The following CAMSAP2 variants were observed in gnomAD, a reference collection of about 807,000 sequenced individuals.
CAMSAP2 encodes the protein calmodulin regulated spectrin associated protein family member 2, also known as calmodulin-regulated spectrin-associated protein 2.
A neutral mutation model predicts 146.1 loss-of-function variants in CAMSAP2; 26 were observed. That is an observed-to-expected ratio of 0.18 (90% CI 0.13 to 0.25). The LOEUF (loss-of-function observed/expected upper bound fraction) is 0.25, where lower values mean the gene tolerates loss of function less well. Among genes scored for constraint, CAMSAP2 ranks in the 10% least tolerant of loss-of-function variants. The probability of loss-of-function intolerance (pLI) is 1.00; values close to 1 mark genes in which losing one functional copy is unlikely to be tolerated. For missense variants in CAMSAP2, 1,381 were observed against 1,759.3 expected (o/e 0.78, Z 3.85); for synonymous variants, 499 against 596.6 (o/e 0.84, Z 2.38).
rs1379418281 is a variant in CAMSAP2 at position 200,809,743 on chromosome 1, G to C, written c.561+2206G>C. 5.9e-5 allele frequency among the ~76,000 whole-genome samples: 9 copies of C among 152,096 alleles called. No homozygotes were observed. The East Asian group carries it at 1.7e-3, about 29-fold the overall frequency. ...GAGATCCTCTCAAAATAATAATAAT[G>C]ATAATAATAATAACAGAATACCTGA... On this transcript the variant is annotated intron_variant, in intron 3 of 16. Coordinates refer to ENST00000358823, the MANE Select transcript of CAMSAP2 (RefSeq NM_203459.4).
intron 13 of CAMSAP2, among the ~76,000 whole-genome samples, chr1:200,854,111 T>A (rs1341527040): frequency 6.6e-6 from 1 of 152,086 alleles, no homozygotes; most frequent in South Asian, 2.1e-4. Flanking sequence ...TCCTGGGTAG[T>A]TGGGACTACA....
At chr1:200,788,132 A>T (rs1665646034) in intron 2 of CAMSAP2, among the ~76,000 whole-genome samples, 1 of 152,218 alleles carries the variant, frequency 6.6e-6, no homozygotes, top group African/African-American at 2.4e-5. Flanking sequence ...ATCATAAAGA[A>T]TGTAGCCTTT....
At chr1:200,746,386 G>A (rs375483717) in intron 1 of CAMSAP2, among the ~76,000 whole-genome samples, 5 of 152,150 alleles carry the variant, frequency 3.3e-5, no homozygotes, top group East Asian at 3.8e-4. Context: ...GAGATCTTGG[G>A]AAGTGTTAAG....
chr1:200,750,573 A>G (rs866728316), intron 1 of CAMSAP2, among the ~76,000 whole-genome samples: 8 of 146,726 alleles, frequency 5.5e-5, no homozygotes, highest in South Asian at 2.2e-4. Flanking sequence ...AAATGCCTGT[A>G]TGTGTGTGTG....
intron 6 of CAMSAP2, among the ~76,000 whole-genome samples, chr1:200,835,116 C>T (rs1195074328): frequency 2.6e-5 from 4 of 152,112 alleles, no homozygotes; most frequent in East Asian, 1.9e-4. Context: ...ACTGGGGAAA[C>T]GAACTGGGTA....
Position 200,816,672 on chromosome 1 carries a change from ATATGTGTG to A in CAMSAP2, c.645+1032_645+1039del, listed in dbSNP as rs1190323824. On this transcript the variant is annotated intron_variant, in intron 4 of 16. Coordinates refer to ENST00000358823, the MANE Select transcript of CAMSAP2 (RefSeq NM_203459.4). ...TATATGCACACACATACACATGTGT[ATATGTGTG>A]TATATGTACATGCACACATATATGT... Among the ~76,000 whole-genome samples, 12 of 145,008 alleles carry A rather than the reference ATATGTGTG, an allele frequency of 8.3e-5. 2 individuals carry two copies. Among genetic ancestry groups the A allele is most frequent in the Non-Finnish European group, 1.8e-4 (12 of 66,014 alleles).
intron 4 of CAMSAP2, among the ~76,000 whole-genome samples, chr1:200,826,962 C>G (rs1318121433): frequency 6.6e-6 from 1 of 152,100 alleles, no homozygotes; most frequent in Non-Finnish European, 1.5e-5. Flanking sequence ...CTAATTCTTC[C>G]CTGAAAACCA....
At chr1:200,771,226 A>G (rs1558169601) in intron 2 of CAMSAP2, among the ~76,000 whole-genome samples, 1 of 152,124 alleles carries the variant, frequency 6.6e-6, no homozygotes, top group African/African-American at 2.4e-5. Flanking sequence ...TAAGAGATAT[A>G]TCTTGTTTAG....
chr1:200,813,488 G>A (rs1666390798), intron 3 of CAMSAP2, among the ~76,000 whole-genome samples: 1 of 152,118 alleles, frequency 6.6e-6, no homozygotes, highest in African/African-American at 2.4e-5. Context: ...TTTTGTTGTT[G>A]TTCTATCTCC....
rs1160605586 is a variant in CAMSAP2, at chr1:200,832,139, A to AT, written c.646-54dup. On this transcript the variant is annotated intron_variant, in intron 4 of 16. Coordinates refer to ENST00000358823, the MANE Select transcript of CAMSAP2 (RefSeq NM_203459.4). This position sits in a 1 kb window ranked among gnomAD's most constrained non-coding sequence, Gnocchi z 4.2. ...TGGTACATTAGAATTTACAGTACTG[A>AT]TTTTTTTCCTATGCGTTATTTGGTA... is the stretch of plus-strand genomic sequence containing the variant. 2.2e-6 allele frequency: 3 copies of AT among 1,365,552 alleles called. No individual in the cohort carries two copies. The highest frequency in any genetic ancestry group is 2.9e-5 in the African/African-American group (2 of 67,886). The allele number at this position is 1,365,552 out of a possible 1,614,324, so 84.6% of individuals were successfully genotyped here. A position where few individuals can be genotyped will look rare whatever the true frequency, so the allele number is the denominator to read the frequency against.
intron 2 of CAMSAP2, among the ~76,000 whole-genome samples, chr1:200,796,605 T>C (rs898026049): frequency 4.6e-5 from 7 of 152,136 alleles, no homozygotes; most frequent in Non-Finnish European, 8.8e-5. Flanking sequence ...ATATGGGATG[T>C]CTTTCTGTTT....
At chr1:200,742,928 AT>A (rs1440126749) in intron 1 of CAMSAP2, among the ~76,000 whole-genome samples, 1 of 152,166 alleles carries the variant, frequency 6.6e-6, no homozygotes, top group Non-Finnish European at 1.5e-5. Context: ...GCCTTGAATC[AT>A]TTTCTTCTCT....
Position 200,853,355 on chromosome 1 carries a change from G to A in CAMSAP2, c.3683G>A (p.Arg1228Gln), listed in dbSNP as rs151025521. 1.3e-5 allele frequency: 21 copies of A among 1,613,716 alleles called. No homozygotes were observed. Among genetic ancestry groups the A allele is most frequent in the South Asian group, 7.7e-5 (7 of 91,078 alleles). Residue 1228 changes from arginine (R) to glutamine (Q), a missense_variant, in exon 13 of 17, where the codon CGG (arginine) becomes CAG (glutamine). Around this residue, in one of 4 missense-constraint regions of CAMSAP2, gnomAD observed 560 missense variants for 715.9 expected, o/e 0.78. Transcript: ENST00000358823. The surrounding 1 kb of genome is among the most constrained non-coding windows in gnomAD (Gnocchi z 5.1). ...REFIRQEYMR[R>Q]KQLKLMEDMD... ...TTTATTAGGCAAGAATATATGAGGC[G>A]GAAACAACTGAAACTAATGGAAGAT...
At chr1:200,775,750 C>T (rs923746974) in intron 2 of CAMSAP2, among the ~76,000 whole-genome samples, 1 of 152,078 alleles carries the variant, frequency 6.6e-6, no homozygotes, top group Non-Finnish European at 1.5e-5. Flanking sequence ...AGGCTGGTCT[C>T]GAACTCCTGA....
intron 1 of CAMSAP2, among the ~76,000 whole-genome samples, chr1:200,743,518 G>A (rs893722706): frequency 2.0e-5 from 3 of 151,856 alleles, no homozygotes; most frequent in African/African-American, 4.8e-5. Flanking sequence ...GGACATTATT[G>A]CAAGAGTCTG....
At chr1:200,764,173 T>A (rs1558166273) in intron 2 of CAMSAP2, among the ~76,000 whole-genome samples, 3 of 152,198 alleles carry the variant, frequency 2.0e-5, no homozygotes, top group Non-Finnish European at 4.4e-5. Context: ...TGAAAAATAG[T>A]GTGTTTAATT....
chr1:200,783,818 A>G (rs1022811249), intron 2 of CAMSAP2, among the ~76,000 whole-genome samples: 2 of 152,174 alleles, frequency 1.3e-5, no homozygotes, highest in African/African-American at 4.8e-5. Flanking sequence ...GTGTCTTTCA[A>G]GGAATTTTAA....
chr1:200,849,653 T>C lies in CAMSAP2; in HGVS notation c.2884T>C (p.Ser962Pro). 1 of 1,614,182 alleles carries C rather than the reference T, an allele frequency of 6.2e-7. No homozygotes were observed. Among genetic ancestry groups the C allele is most frequent in the Non-Finnish European group, 8.5e-7 (1 of 1,180,034 alleles). The change falls in exon 11 of 17, where the codon TCT becomes CCT. Residue 962 changes from serine to proline, a missense_variant. Around this residue, in one of 4 missense-constraint regions of CAMSAP2, gnomAD observed 560 missense variants for 715.9 expected, o/e 0.78. Coordinates refer to ENST00000358823, the MANE Select transcript of CAMSAP2 (RefSeq NM_203459.4). The surrounding 1 kb of genome is among the most constrained non-coding windows in gnomAD (Gnocchi z 6.3). Reference protein sequence around the residue: ...SPRPTHPSPQSSNRKSASFSV... With the variant: ...SPRPTHPSPQPSNRKSASFSV... ...TCGTCCTACTCACCCATCTCCACAG[T>C]CTTCTAACAGGAAAAGTGCATCTTT...
chr1:200,817,250 A>ATATGTGTG (rs796202550), intron 4 of CAMSAP2, among the ~76,000 whole-genome samples: 32 of 10,586 alleles, frequency 3.0e-3, no homozygotes, highest in African/African-American at 0.01. Flanking sequence ...ATACACACAT[A>ATATGTGTG]TGTGTGTGTA....
Sources: allele counts gnomAD v4.1 joint callset (sites outside exome capture counted in the v4.1 genomes callset), GRCh38; gene constraint gnomAD v4.1.1; regional missense constraint gnomAD v4.1.1; non-coding constraint Gnocchi (gnomAD v3.1); transcripts MANE v1.5; gene names NCBI Gene and HGNC (gene_info 2026-07-23, HGNC 2026-07-21).